The following ITSN1 variants were observed in gnomAD, a reference collection of about 807,000 sequenced individuals.
The protein encoded by ITSN1 is intersectin-1.
A neutral mutation model predicts 239.8 loss-of-function variants in ITSN1; 58 were observed. The observed-to-expected ratio is 0.24, with a 90% confidence interval of 0.20 to 0.30. The LOEUF (loss-of-function observed/expected upper bound fraction) is 0.30. ITSN1 is among the 10% of genes least tolerant of loss of function. The probability of loss-of-function intolerance (pLI) is 1.00; values close to 1 mark genes in which losing one functional copy is unlikely to be tolerated. For synonymous variants in ITSN1, 780 were observed against 770.8 expected (o/e 1.01, Z -0.20); for missense variants, 1,558 against 2,103.3 (o/e 0.74, Z 5.07).
At chr21:33,660,650 T>A (rs2089480156) in intron 1 of ITSN1, among the ~76,000 whole-genome samples, 1 of 152,224 alleles carries the variant, frequency 6.6e-6, no homozygotes, top group Non-Finnish European at 1.5e-5. Flanking sequence ...TCTGGCCTTA[T>A]ACAGATATGT....
chr21:33,764,332 T>G (rs1319752535), intron 9 of ITSN1, among the ~76,000 whole-genome samples: 1 of 152,238 alleles, frequency 6.6e-6, no homozygotes, highest in Non-Finnish European at 1.5e-5. Context: ...AACAAGAATT[T>G]CAGCCACCTT....
chr21:33,840,580 T>TC (rs1183931016), intron 29 of ITSN1, among the ~76,000 whole-genome samples: 1 of 152,196 alleles, frequency 6.6e-6, no homozygotes, highest in African/African-American at 2.4e-5. Flanking sequence ...CAGGCTGGTC[T>TC]CCAACTCCTG....
chr21:33,714,389 G>A (rs545619356), intron 1 of ITSN1, among the ~76,000 whole-genome samples: 1 of 152,286 alleles, frequency 6.6e-6, no homozygotes, highest in East Asian at 1.9e-4. Context: ...GAAGGTAAAT[G>A]TAGTCTAATA....
intron 31 of ITSN1, among the ~76,000 whole-genome samples, chr21:33,860,996 CCT>C (rs1302046318): frequency 6.6e-6 from 1 of 152,170 alleles, no homozygotes; most frequent in African/African-American, 2.4e-5. Context: ...TATCCCCGTT[CCT>C]CTGATTCCCG....
intron 22 of ITSN1, chr21:33,817,655 G>C (rs1297354850): frequency 8.2e-7 from 1 of 1,213,412 alleles, no homozygotes; most frequent in East Asian, 5.8e-5. Context: ...AAATTATCTG[G>C]GGGAGGCAGA....
intron 27 of ITSN1, among the ~76,000 whole-genome samples, chr21:33,833,426 T>C (rs2074409502): frequency 6.6e-6 from 1 of 152,198 alleles, no homozygotes; most frequent in South Asian, 2.1e-4. Flanking sequence ...TAAAGGAGCA[T>C]GCAGACACAT....
intron 1 of ITSN1, among the ~76,000 whole-genome samples, chr21:33,704,740 C>G (rs1012974238): frequency 1.3e-5 from 2 of 151,536 alleles, no homozygotes; most frequent in Non-Finnish European, 2.9e-5. Context: ...TCTTTGATTC[C>G]GGGAGTAAGG....
chr21:33,837,956 T>G, intron 29 of ITSN1: 1 of 985,796 alleles, frequency 1.0e-6, no homozygotes, highest in South Asian at 4.7e-5. Context: ...CAGTTACTTT[T>G]CATGGAATGA....
At chr21:33,736,048 T>A (rs1163510470) in intron 5 of ITSN1, among the ~76,000 whole-genome samples, 1 of 152,218 alleles carries the variant, frequency 6.6e-6, no homozygotes, top group Admixed American at 6.5e-5. Flanking sequence ...ATTTTTCTTA[T>A]AAGCTAATTG....
At chr21:33,831,936 G>T (rs76911475) in intron 27 of ITSN1, among the ~76,000 whole-genome samples, 1 of 151,990 alleles carries the variant, frequency 6.6e-6, no homozygotes, top group Non-Finnish European at 1.5e-5. Context: ...TTAGACCCTC[G>T]GGTCCCACTC....
intron 14 of ITSN1, among the ~76,000 whole-genome samples, chr21:33,776,399 A>T (rs113960142): frequency 6.6e-6 from 1 of 151,674 alleles, no homozygotes; most frequent in African/African-American, 2.4e-5. Context: ...AAAAAAAAAA[A>T]AAAAACTTAA....
chr21:33,868,791 C>T (rs1982201475), intron 33 of ITSN1, among the ~76,000 whole-genome samples: 1 of 152,138 alleles, frequency 6.6e-6, no homozygotes, highest in Admixed American at 6.5e-5. Flanking sequence ...CTGAAGGGCT[C>T]CTCAAGTGCT....
intron 1 of ITSN1, among the ~76,000 whole-genome samples, chr21:33,691,675 T>C (rs1000929255): frequency 3.9e-5 from 6 of 152,218 alleles, no homozygotes; most frequent in Admixed American, 6.5e-5. Flanking sequence ...ATTTATTTCT[T>C]ATAGTTCTGG....
Position 33,818,456 on chromosome 21 carries a change from A to G in ITSN1, c.2917A>G (p.Ile973Val), listed in dbSNP as rs1448509034. The change falls in exon 23 of 40, where the codon ATA becomes GTA. Residue 973 changes from isoleucine to valine, a missense_variant. Around this residue, in one of 2 missense-constraint regions of ITSN1, gnomAD observed 982 missense variants for 1,209.9 expected, o/e 0.81. Coordinates refer to ENST00000381318, the MANE Select transcript of ITSN1 (RefSeq NM_003024.3). ...TTACGTGAAACTCATTTCAGGGCCC[A>G]TAAGGAAGTCTACAAGGTATTTTTG... ...KSYVKLISGP[I>V]RKSTSMDSGS... The G allele has an allele frequency of 8.1e-6, 13 of 1,614,012 alleles. No individual in the cohort carries two copies. Among genetic ancestry groups the G allele is most frequent in the African/African-American group, 1.3e-5 (1 of 75,054 alleles).
At chr21:33,823,061 A>G (rs151078173) in intron 24 of ITSN1, among the ~76,000 whole-genome samples, 1 of 152,382 alleles carries the variant, frequency 6.6e-6, no homozygotes, top group East Asian at 1.9e-4. Context: ...ACACATATTT[A>G]ATATGCTTAC....
intron 30 of ITSN1, among the ~76,000 whole-genome samples, chr21:33,857,446 C>T (rs536849871): frequency 2.0e-5 from 3 of 152,324 alleles, no homozygotes; most frequent in South Asian, 2.1e-4. Context: ...CGGAGCCCGG[C>T]GCTCCTGCTG....
chr21:33,817,407 G>T (rs2073358576), intron 22 of ITSN1: 1 of 1,304,266 alleles, frequency 7.7e-7, no homozygotes, highest in Admixed American at 2.3e-5. Context: ...ATCCTTCAAG[G>T]CCCATCTCAG....
At chr21:33,868,312 C>T (rs1982045451) in intron 33 of ITSN1, among the ~76,000 whole-genome samples, 3 of 152,372 alleles carry the variant, frequency 2.0e-5, no homozygotes, top group Admixed American at 2.0e-4. Context: ...TCGCGCCATG[C>T]ACTCGCACTC....
At position 33,842,314 on chromosome 21, in the gene ITSN1, A is replaced by G. The variant is rs529078685; in HGVS notation, c.3661+5682A>G. Among the ~76,000 whole-genome samples the G allele has an allele frequency of 3.3e-5, 5 of 152,288 alleles. No homozygotes were observed. In the South Asian group the frequency reaches 6.2e-4, roughly 19 times the overall value. ...CTCCATAGCCTCTCAGGAAGAATCT[A>G]TTCTTTAAATTAAAAGCTCCCCAGG... On this transcript the variant is annotated intron_variant, in intron 29 of 39. Transcript: ENST00000381318.
Sources: gnomAD v4.1 joint callset for allele counts (sites outside exome capture counted in the v4.1 genomes callset) on GRCh38, gnomAD v4.1.1 for gene constraint, gnomAD v4.1.1 regional missense constraint, MANE v1.5 for transcripts, NCBI Gene and HGNC (gene_info 2026-07-23, HGNC 2026-07-21) for gene names.